SMAD2: variants seen among roughly 807,000 people sequenced by gnomAD.
The protein encoded by SMAD2 is MAD homolog 2.
SMAD2 carries 8 observed loss-of-function variants against 64.4 expected under a neutral mutation model. That is an observed-to-expected ratio of 0.12 (90% confidence interval 0.07 to 0.22). The LOEUF (loss-of-function observed/expected upper bound fraction) is 0.22. SMAD2 is among the 10% of genes least tolerant of loss of function. The pLI, the probability that SMAD2 is intolerant of heterozygous loss-of-function variation, is 1.00. For synonymous variants in SMAD2, 203 were observed against 195.8 expected (o/e 1.04, Z -0.31); for missense variants, 289 against 561.2 (o/e 0.51, Z 4.90).
intron 6 of SMAD2, among the ~76,000 whole-genome samples, chr18:47,856,892 C>A (rs1023782343): frequency 6.1e-5 from 8 of 130,748 alleles, no homozygotes; most frequent in Non-Finnish European, 1.1e-4. Flanking sequence ...GAGTCTCGCT[C>A]TGTCGCCCAG....
chr18:47,874,906 C>T (rs905576609), intron 2 of SMAD2, among the ~76,000 whole-genome samples: 1 of 151,744 alleles, frequency 6.6e-6, no homozygotes, highest in African/African-American at 2.4e-5. Flanking sequence ...AAAAATAAAA[C>T]AGAAGAAAAT....
chr18:47,901,003 T>C (rs2033661281), intron 1 of SMAD2, among the ~76,000 whole-genome samples: 1 of 152,186 alleles, frequency 6.6e-6, no homozygotes, highest in Non-Finnish European at 1.5e-5. Context: ...TCTAGTACAA[T>C]TTCCATGTGC....
chr18:47,843,608 G>A (rs1914188193), intron 10 of SMAD2, among the ~76,000 whole-genome samples: 1 of 152,182 alleles, frequency 6.6e-6, no homozygotes, highest in African/African-American at 2.4e-5. Context: ...CTCAGCTCCA[G>A]AATGATTACA....
chr18:47,930,003 G>A (rs544005911), intron 1 of SMAD2, among the ~76,000 whole-genome samples: 1 of 152,272 alleles, frequency 6.6e-6, no homozygotes, highest in Non-Finnish European at 1.5e-5. Flanking sequence ...AAAAAAAGTG[G>A]AGGCAAAGTA....
chr18:47,865,275 T>C (rs761010934), intron 5 of SMAD2, 142 bp from the exon 6 acceptor site: 9 of 595,142 alleles, frequency 1.5e-5, no homozygotes, highest in Non-Finnish European at 2.7e-5. Context: ...TATTGCATAC[T>C]GAGGGTGTAT....
Position 47,836,004 on chromosome 18 carries a change from T to C in SMAD2, c.*5823A>G, listed in dbSNP as rs138886986. ...ATTATTCTTCCAAGGGACTCTTATA[T>C]CTAAGCAATGGTGAAGTTCTGGATT... On this transcript the variant is annotated 3_prime_UTR_variant, in exon 11 of 11. Transcript: ENST00000262160. 1.9e-5 allele frequency: 4 copies of C among 212,128 alleles called. No homozygotes were observed. In the East Asian group the frequency reaches 2.1e-4, roughly 11 times the overall value. The allele number at this position is 212,128 out of a possible 1,614,324, so 13.1% of individuals were successfully genotyped here.
chr18:47,854,490 C>G (rs1014818541), intron 6 of SMAD2, among the ~76,000 whole-genome samples: 6 of 152,048 alleles, frequency 3.9e-5, no homozygotes, highest in East Asian at 3.9e-4. Context: ...TTAAAAGGAG[C>G]AATTTTTTAA....
chr18:47,925,758 A>G (rs1402218150), intron 1 of SMAD2, among the ~76,000 whole-genome samples: 1 of 152,238 alleles, frequency 6.6e-6, no homozygotes, highest in African/African-American at 2.4e-5. Flanking sequence ...CCAAGGCTAC[A>G]TATTACAAGG....
intron 1 of SMAD2, among the ~76,000 whole-genome samples, chr18:47,925,228 G>A (rs910527181): frequency 1.6e-4 from 24 of 152,130 alleles, no homozygotes; most frequent in African/African-American, 5.6e-4. Flanking sequence ...AAAAATGACA[G>A]GGCTACCTAG....
chr18:47,842,029 C>A (rs1598741431), intron 10 of SMAD2, 79 bp from the exon 11 acceptor site: 4 of 1,469,306 alleles, frequency 2.7e-6, no homozygotes, highest in East Asian at 2.3e-5. Context: ...AGGTACACTG[C>A]ATTAAAAATT....
At chr18:47,915,484 C>G (rs955399192) in intron 1 of SMAD2, among the ~76,000 whole-genome samples, 1 of 152,160 alleles carries the variant, frequency 6.6e-6, no homozygotes, top group Admixed American at 6.5e-5. Flanking sequence ...CTCTCACAAC[C>G]TGCTATGAAT....
At chr18:47,926,905 A>G (rs1310458858) in intron 1 of SMAD2, among the ~76,000 whole-genome samples, 1 of 152,238 alleles carries the variant, frequency 6.6e-6, no homozygotes, top group Admixed American at 6.5e-5. Context: ...GGAAGGGGTT[A>G]GTACTTCCAT....
rs1298915501 is a variant in SMAD2 at position 47,811,423 on chromosome 18, T to C, written c.*30404A>G. 6.7e-6 allele frequency: 1 copy of C among 149,830 alleles called. No homozygotes were observed. Among genetic ancestry groups the C allele is most frequent in the African/African-American group, 2.5e-5 (1 of 40,276 alleles). The allele number at this position is 149,830 out of a possible 1,614,324, so 9.3% of individuals were successfully genotyped here. A position where few individuals can be genotyped will look rare whatever the true frequency, so the allele number is the denominator to read the frequency against. On this transcript the variant is annotated 3_prime_UTR_variant, in exon 11 of 11. Coordinates refer to ENST00000262160, the MANE Select transcript of SMAD2 (RefSeq NM_005901.6). ...AGGCGGAGCTTGCAGTGAGCTGAGATTGTGCCACTGCACTCCAGCCTGGGC... is the reference window on the plus strand; with the variant it reads ...AGGCGGAGCTTGCAGTGAGCTGAGACTGTGCCACTGCACTCCAGCCTGGGC...
At chr18:47,883,806 C>T (rs1372577575) in intron 2 of SMAD2, among the ~76,000 whole-genome samples, 1 of 152,134 alleles carries the variant, frequency 6.6e-6, no homozygotes, top group Non-Finnish European at 1.5e-5. Flanking sequence ...CATGATATAT[C>T]TAAGTGTGGT....
At chr18:47,867,549 C>G (rs2031651252) in intron 5 of SMAD2, among the ~76,000 whole-genome samples, 1 of 151,436 alleles carries the variant, frequency 6.6e-6, no homozygotes, top group South Asian at 2.1e-4. Context: ...AATCGAGACA[C>G]TACAGCTTAA....
intron 1 of SMAD2, among the ~76,000 whole-genome samples, chr18:47,903,420 T>C (rs547085013): frequency 6.2e-4 from 94 of 152,216 alleles, no homozygotes; most frequent in African/African-American, 1.9e-3. Flanking sequence ...AGCTGAGCTA[T>C]AGAGAAATTT....
At position 47,837,166 on chromosome 18, in the gene SMAD2, T is replaced by A. The variant is rs530848224; in HGVS notation, c.*4661A>T. The stretch of plus-strand genomic sequence containing the variant: ...AATTAAAATGATTGATCAATTTGAA[T>A]AGCAACCTTCATGATGAAGAAATTA... On this transcript the variant is annotated 3_prime_UTR_variant, in exon 11 of 11. Coordinates refer to ENST00000262160, the MANE Select transcript of SMAD2 (RefSeq NM_005901.6). 210 of 201,660 alleles carry A rather than the reference T, an allele frequency of 1.0e-3. No individual in the cohort carries two copies. Among genetic ancestry groups the A allele is most frequent in the African/African-American group, 4.5e-3 (195 of 43,696 alleles). 12.5% of individuals were successfully genotyped at this position (201,660 alleles called of 1,614,324 possible).
chr18:47,918,415 C>CAT (rs1002019573), intron 1 of SMAD2, among the ~76,000 whole-genome samples: 1 of 152,150 alleles, frequency 6.6e-6, no homozygotes, highest in African/African-American at 2.4e-5. Context: ...GGAGGAAAGG[C>CAT]ATATAGATGC....
At position 47,833,944 on chromosome 18, in the gene SMAD2, G is replaced by A. The variant is rs1224077433; in HGVS notation, c.*7883C>T. On this transcript the variant is annotated 3_prime_UTR_variant, in exon 11 of 11. Transcript: ENST00000262160. ...GATTTGTACTTACATATACACATAG[G>A]TTCAGAAGAACTTAGCTATCTAGTT... 1 of 224,538 alleles carries A rather than the reference G, an allele frequency of 4.5e-6. No homozygotes were observed. The highest frequency in any genetic ancestry group is 8.8e-6 in the Non-Finnish European group (1 of 113,114). The allele number at this position is 224,538 out of a possible 1,614,324, so 13.9% of individuals were successfully genotyped here.
Sources: allele counts gnomAD v4.1 joint callset (sites outside exome capture counted in the v4.1 genomes callset), GRCh38; gene constraint gnomAD v4.1.1; transcripts MANE v1.5; gene names NCBI Gene and HGNC (gene_info 2026-07-23, HGNC 2026-07-21).